The following CA10 variants were observed in gnomAD, a reference collection of about 807,000 sequenced individuals.
The protein encoded by CA10 is carbonic anhydrase-related protein 10.
Under a neutral mutation model 44.2 loss-of-function variants are expected in CA10, and 14 were observed. The observed-to-expected ratio is 0.32, with a 90% confidence interval of 0.21 to 0.50. CA10 has a LOEUF of 0.50. CA10 is among the 20% of genes least tolerant of loss of function. CA10 has a pLI of 0.99. For synonymous variants in CA10, 159 were observed against 141.6 expected (o/e 1.12, Z -0.87); for missense variants, 350 against 409.7 (o/e 0.85, Z 1.26).
At chr17:52,065,354 T>G (rs1379635674) in intron 2 of CA10, among the ~76,000 whole-genome samples, 1 of 152,236 alleles carries the variant, frequency 6.6e-6, no homozygotes, top group Admixed American at 6.5e-5. Context: ...ATTTAAGGGT[T>G]GAGGAACAGC....
chr17:52,152,098 C>T (rs1036723061), intron 1 of CA10, among the ~76,000 whole-genome samples: 2 of 151,982 alleles, frequency 1.3e-5, no homozygotes, highest in Non-Finnish European at 2.9e-5. Context: ...CTCCAGCCCC[C>T]TCCAGTTCAC....
intron 3 of CA10, among the ~76,000 whole-genome samples, chr17:51,785,218 A>G (rs1906220823): frequency 6.6e-6 from 1 of 152,198 alleles, no homozygotes; most frequent in Admixed American, 6.5e-5. Flanking sequence ...GCTATTGTGA[A>G]CAGAGCTGTT....
chr17:51,674,515 C>CATAGAATATATAAA (rs1170738095), intron 4 of CA10, among the ~76,000 whole-genome samples: 1 of 152,218 alleles, frequency 6.6e-6, no homozygotes, highest in East Asian at 1.9e-4. Flanking sequence ...AAATAGCAAA[C>CATAGAATATATAAA]AATATATTCT....
intron 4 of CA10, among the ~76,000 whole-genome samples, chr17:51,714,373 G>C (rs1016630892): frequency 2.6e-5 from 4 of 152,148 alleles, no homozygotes; most frequent in Non-Finnish European, 5.9e-5. Flanking sequence ...CTGTAAAATG[G>C]GTACAATAAT....
intron 3 of CA10, among the ~76,000 whole-genome samples, chr17:51,829,587 A>G (rs1032360713): frequency 3.3e-5 from 5 of 152,220 alleles, no homozygotes; most frequent in Admixed American, 1.3e-4. Flanking sequence ...CACAAAGGGA[A>G]AGAGAAGGGA....
chr17:52,021,501 G>T (rs576188550), intron 2 of CA10, among the ~76,000 whole-genome samples: 1 of 151,984 alleles, frequency 6.6e-6, no homozygotes, highest in African/African-American at 2.4e-5. Context: ...TAGCCATTCT[G>T]ACTTGAGATG....
chr17:51,636,976 C>T (rs1912862928), intron 6 of CA10, among the ~76,000 whole-genome samples: 1 of 152,114 alleles, frequency 6.6e-6, no homozygotes. Context: ...TTTCAGTCAT[C>T]TAAAACTGTT....
chr17:52,010,443 A>T (rs1383560495), intron 2 of CA10, among the ~76,000 whole-genome samples: 1 of 152,002 alleles, frequency 6.6e-6, no homozygotes, highest in Non-Finnish European at 1.5e-5. Flanking sequence ...CTACTCAGCC[A>T]TAAAAAGGAA....
At chr17:51,649,359 G>T in intron 5 of CA10, 105 bp from the exon 6 acceptor site, 1 of 849,634 alleles carries the variant, frequency 1.2e-6, no homozygotes, top group Non-Finnish European at 2.0e-6. Flanking sequence ...TATCTACCAT[G>T]AGCCAAACAC....
In CA10 at chr17:51,873,444, C is replaced by T. The variant is rs181906654; in HGVS notation, c.279+57546G>A. Reference sequence around the variant, plus strand: ...TGGCACTCAGCAATCGTTCTATCATCCTGATCTCAGTATTACAGGACCTGG... The same window carrying T: ...TGGCACTCAGCAATCGTTCTATCATTCTGATCTCAGTATTACAGGACCTGG... On this transcript the variant is annotated intron_variant, in intron 3 of 8. Coordinates refer to ENST00000451037, the MANE Select transcript of CA10 (RefSeq NM_020178.5). 1.1e-3 allele frequency among the ~76,000 whole-genome samples: 173 copies of T among 152,318 alleles called. 2 individuals carry two copies. The South Asian group carries it at 0.021, about 18-fold the overall frequency.
intron 3 of CA10, among the ~76,000 whole-genome samples, chr17:51,827,016 C>A (rs192055912): frequency 3.2e-3 from 480 of 152,262 alleles, no homozygotes; most frequent in Non-Finnish European, 4.9e-3. Flanking sequence ...CCTACTGGGA[C>A]CCTCATGATT....
chr17:52,157,267 T>C (rs1989823061), intron 1 of CA10, among the ~76,000 whole-genome samples: 1 of 152,082 alleles, frequency 6.6e-6, no homozygotes, highest in South Asian at 2.1e-4. Context: ...GCTGGTACTC[T>C]CCAGTCCCGC....
intron 4 of CA10, among the ~76,000 whole-genome samples, chr17:51,703,906 T>C (rs1915679651): frequency 6.8e-6 from 1 of 148,030 alleles, no homozygotes. Flanking sequence ...TATCACCTTC[T>C]TTCAGGGACT....
intron 3 of CA10, among the ~76,000 whole-genome samples, chr17:51,911,864 G>A (rs753681297): frequency 9.9e-5 from 15 of 152,058 alleles, no homozygotes; most frequent in South Asian, 2.1e-4. Flanking sequence ...ATCAAGCACC[G>A]ACAAACAATT....
At chr17:51,705,496 G>A (rs1172885424) in intron 4 of CA10, among the ~76,000 whole-genome samples, 1 of 152,042 alleles carries the variant, frequency 6.6e-6, no homozygotes, top group Non-Finnish European at 1.5e-5. Flanking sequence ...GCACATACAG[G>A]GCCCCCAGCA....
intron 2 of CA10, among the ~76,000 whole-genome samples, chr17:52,039,316 T>G (rs1271320807): frequency 6.6e-6 from 1 of 152,152 alleles, no homozygotes; most frequent in Non-Finnish European, 1.5e-5. Context: ...AAAAAAATAC[T>G]TCCATTCCAC....
intron 1 of CA10, among the ~76,000 whole-genome samples, chr17:52,140,068 T>C (rs1486311012): frequency 6.6e-6 from 1 of 152,226 alleles, no homozygotes; most frequent in African/African-American, 2.4e-5. Flanking sequence ...ATCAGATCTG[T>C]GGTTGCCTGC....
intron 4 of CA10, among the ~76,000 whole-genome samples, chr17:51,685,130 C>A (rs770522027): frequency 1.3e-5 from 2 of 152,186 alleles, no homozygotes; most frequent in Non-Finnish European, 2.9e-5. Context: ...CCAGAAATAT[C>A]CCTTACAATT....
intron 3 of CA10, among the ~76,000 whole-genome samples, chr17:51,869,454 C>A (rs1053185083): frequency 5.3e-5 from 8 of 152,192 alleles, no homozygotes; most frequent in African/African-American, 1.9e-4. Context: ...CCTCCCAGGT[C>A]TGTTTAATAT....
Sources: gnomAD v4.1 joint callset for allele counts (sites outside exome capture counted in the v4.1 genomes callset) on GRCh38, gnomAD v4.1.1 for gene constraint, MANE v1.5 for transcripts, NCBI Gene and HGNC (gene_info 2026-07-23, HGNC 2026-07-21) for gene names.